The following HECW1 variants were observed in gnomAD, a reference collection of about 807,000 sequenced individuals.
The protein encoded by HECW1 is HECT, C2 and WW domain containing E3 ubiquitin protein ligase 1.
Under a neutral mutation model 182.3 loss-of-function variants are expected in HECW1, and 61 were observed. The ratio of observed to expected loss-of-function variants is 0.33; its 90% confidence interval spans 0.27 to 0.41. The LOEUF (loss-of-function observed/expected upper bound fraction) is 0.41. Ranked by LOEUF, HECW1 falls within the 10% of genes least tolerant of loss-of-function variation. The pLI is 1.00. For synonymous variants in HECW1, 859 were observed against 832.6 expected (o/e 1.03, Z -0.55); for missense variants, 1,739 against 2,108.9 (o/e 0.82, Z 3.44).
intron 2 of HECW1, among the ~76,000 whole-genome samples, chr7:43,230,104 A>G (rs1158167613): frequency 6.6e-6 from 1 of 152,216 alleles, no homozygotes; most frequent in African/African-American, 2.4e-5. Context: ...CTTAAAAACC[A>G]TCAGTGGGCT....
intron 3 of HECW1, among the ~76,000 whole-genome samples, chr7:43,297,931 A>C (rs971150454): frequency 6.6e-6 from 1 of 152,206 alleles, no homozygotes; most frequent in African/African-American, 2.4e-5. Flanking sequence ...TAAATTAGCC[A>C]GACATGATAG....
chr7:43,490,906 C>A (rs147212228), intron 17 of HECW1, among the ~76,000 whole-genome samples: 1 of 152,032 alleles, frequency 6.6e-6, no homozygotes, highest in Admixed American at 6.6e-5. Context: ...TACAGGCATG[C>A]GCCACCATGC....
chr7:43,167,495 A>G (rs10272239), intron 2 of HECW1, among the ~76,000 whole-genome samples: 15,523 of 152,156 alleles, frequency 0.1, 1,120 homozygotes, highest in African/African-American at 0.21. Context: ...CTCCAGATGG[A>G]GGGAGGTTGG....
chr7:43,562,347 G>A lies in HECW1; in HGVS notation c.*421G>A. On this transcript the variant is annotated 3_prime_UTR_variant, in exon 30 of 30. Coordinates refer to ENST00000395891, the MANE Select transcript of HECW1 (RefSeq NM_015052.5). The stretch of plus-strand genomic sequence containing the variant: ...TTCATATGCCCATGTCTTCTGAGCA[G>A]AGCCACCATTTTTTATAATTTCTAA... The A allele has an allele frequency of 4.3e-6, 1 of 231,148 alleles. No homozygotes were observed. The highest frequency in any genetic ancestry group is 6.2e-5 in the East Asian group (1 of 16,198). The allele number at this position is 231,148 out of a possible 1,614,324, so 14.3% of individuals were successfully genotyped here. A position where few individuals can be genotyped will look rare whatever the true frequency, so the allele number is the denominator to read the frequency against.
Position 43,407,648 on chromosome 7 carries a change from A to G in HECW1, c.718A>G (p.Ile240Val), listed in dbSNP as rs2075654170. Residue 240 changes from isoleucine to valine, a missense_variant, in exon 8 of 30, where the codon ATC (isoleucine) becomes GTC (valine). Ile to Val is a conservative substitution (Grantham distance 29). This residue lies in a region of HECW1 where 279 missense variants were observed against 353.1 expected (regional missense o/e 0.79). Transcript: ENST00000395891. ...KISIQPGKHS[I>V]FPALPHHGQE... ...TTCCATTCAGCCTGGGAAACACAGC[A>G]TCTTCCCCGCCCTCCCTCACCATGG... 1 of 1,613,828 alleles carries G rather than the reference A, an allele frequency of 6.2e-7. No individual in the cohort carries two copies. Among genetic ancestry groups the G allele is most frequent in the Non-Finnish European group, 8.5e-7 (1 of 1,179,780 alleles).
At chr7:43,434,828 T>C (rs2076660227) in intron 8 of HECW1, among the ~76,000 whole-genome samples, 2 of 152,180 alleles carry the variant, frequency 1.3e-5, no homozygotes, top group African/African-American at 2.4e-5. Context: ...ATAAGCTAGC[T>C]TCAGTGTCCC....
At chr7:43,428,264 C>G (rs1406331583) in intron 8 of HECW1, among the ~76,000 whole-genome samples, 1 of 152,204 alleles carries the variant, frequency 6.6e-6, no homozygotes, top group East Asian at 1.9e-4. Context: ...AGTGTGCAGT[C>G]TAGCATGCAT....
intron 6 of HECW1, chr7:43,377,968 C>T (rs2074393247): frequency 5.5e-6 from 1 of 181,938 alleles, no homozygotes; most frequent in African/African-American, 2.4e-5. Flanking sequence ...AGCATTAATG[C>T]TCAGTTTATG....
In HECW1 at chr7:43,533,447, G is replaced by A. The variant is rs2152948889; in HGVS notation, c.4020-7716G>A. Among the ~76,000 whole-genome samples the A allele has an allele frequency of 2.0e-5, 3 of 152,228 alleles. No homozygotes were observed. In the Middle Eastern group the frequency reaches 0.01, roughly 518 times the overall value. On this transcript the variant is annotated intron_variant, in intron 24 of 29. Transcript: ENST00000395891. ...TGCATAGGTGAATGCAGTCCCCAGA[G>A]TCATGGCTTGGGAAACAGGACATTA...
At chr7:43,491,999 G>C in intron 17 of HECW1, 76 bp from the exon 18 acceptor site, 1 of 1,048,074 alleles carries the variant, frequency 9.5e-7, no homozygotes, top group South Asian at 1.4e-5. Flanking sequence ...TTACCCCTTA[G>C]GTTGAAAAAC....
At chr7:43,381,787 G>T (rs888239295) in intron 6 of HECW1, among the ~76,000 whole-genome samples, 2 of 152,098 alleles carry the variant, frequency 1.3e-5, no homozygotes, top group African/African-American at 2.4e-5. Flanking sequence ...GCCTCACAAA[G>T]TGCTGGGATT....
intron 8 of HECW1, among the ~76,000 whole-genome samples, chr7:43,418,395 G>T (rs973324223): frequency 6.6e-6 from 1 of 152,130 alleles, no homozygotes; most frequent in Admixed American, 6.5e-5. Flanking sequence ...CCAAATCAAG[G>T]AAGTTTGGCC....
chr7:43,307,611 T>A (rs2152768015), intron 3 of HECW1, among the ~76,000 whole-genome samples: 1 of 152,232 alleles, frequency 6.6e-6, no homozygotes, highest in South Asian at 2.1e-4. Flanking sequence ...ACAGTTCAGA[T>A]GTGAAGAGAG....
intron 3 of HECW1, chr7:43,274,176 A>C (rs1391146273): frequency 6.5e-6 from 3 of 459,820 alleles, no homozygotes; most frequent in African/African-American, 2.0e-5. Context: ...CCTCGGGTGC[A>C]CTAAAAGAGT....
chr7:43,496,193 T>A (rs893041438), intron 19 of HECW1, among the ~76,000 whole-genome samples: 7 of 150,764 alleles, frequency 4.6e-5, no homozygotes, highest in African/African-American at 1.7e-4. Flanking sequence ...AACTTGGAAA[T>A]TATCTAGTAT....
chr7:43,502,214 C>T (rs1487617097), intron 21 of HECW1, among the ~76,000 whole-genome samples: 1 of 152,212 alleles, frequency 6.6e-6, no homozygotes, highest in Non-Finnish European at 1.5e-5. Flanking sequence ...GTTATATCTC[C>T]ACAAAGATTC....
At chr7:43,327,759 T>G (rs1810978034) in intron 5 of HECW1, among the ~76,000 whole-genome samples, 1 of 152,160 alleles carries the variant, frequency 6.6e-6, no homozygotes, top group Non-Finnish European at 1.5e-5. Context: ...GTTGGAAATA[T>G]TCATACAGTG....
intron 11 of HECW1, among the ~76,000 whole-genome samples, chr7:43,449,621 A>G (rs1198977933): frequency 6.6e-6 from 1 of 152,204 alleles, no homozygotes. Context: ...TCCTACAACC[A>G]TTTGACCACC....
chr7:43,351,320 C>T (rs1228214306), intron 5 of HECW1, among the ~76,000 whole-genome samples: 1 of 152,124 alleles, frequency 6.6e-6, no homozygotes, highest in African/African-American at 2.4e-5. Flanking sequence ...TTGTTCAATG[C>T]TCTATTTTTG....
Sources: allele counts gnomAD v4.1 joint callset (sites outside exome capture counted in the v4.1 genomes callset), GRCh38; gene constraint gnomAD v4.1.1; regional missense constraint gnomAD v4.1.1; transcripts MANE v1.5; gene names NCBI Gene and HGNC (gene_info 2026-07-23, HGNC 2026-07-21).